Variants in LRRTM4 observed in about 807,000 individuals in gnomAD.
The protein encoded by LRRTM4 is leucine rich repeat transmembrane neuronal 4.
In LRRTM4, 25 loss-of-function variants were observed where a neutral mutation model predicts 47.6. The ratio of observed to expected loss-of-function variants is 0.53; its 90% CI spans 0.38 to 0.73. LRRTM4 has a LOEUF of 0.73. LRRTM4 is among the 30% of genes least tolerant of loss of function. LRRTM4 has a pLI of 0.00. For synonymous variants in LRRTM4, 311 were observed against 269.5 expected (o/e 1.15, Z -1.51); for missense variants, 638 against 713.4 (o/e 0.89, Z 1.20).
intron 3 of LRRTM4, among the ~76,000 whole-genome samples, chr2:76,797,199 T>A (rs2103749084): frequency 6.6e-6 from 1 of 152,120 alleles, no homozygotes; most frequent in East Asian, 1.9e-4. Flanking sequence ...GAAAAAATGT[T>A]AAGGGCAGCC....
At chr2:77,306,458 A>C (rs533778495) in intron 3 of LRRTM4, among the ~76,000 whole-genome samples, 6 of 152,300 alleles carry the variant, frequency 3.9e-5, no homozygotes, top group African/African-American at 1.4e-4. Flanking sequence ...AGTTTCTACT[A>C]AGTCACACCT....
chr2:77,364,964 A>G (rs535770134), intron 3 of LRRTM4, among the ~76,000 whole-genome samples: 2 of 152,132 alleles, frequency 1.3e-5, no homozygotes, highest in Non-Finnish European at 2.9e-5. Flanking sequence ...CATTGATCCT[A>G]CCAGTGAGAA....
intron 3 of LRRTM4, among the ~76,000 whole-genome samples, chr2:76,798,736 C>G (rs1438189753): frequency 6.6e-6 from 1 of 150,882 alleles, no homozygotes; most frequent in Non-Finnish European, 1.5e-5. Context: ...AGAGAAGAAT[C>G]AAATAGATGC....
intron 3 of LRRTM4, among the ~76,000 whole-genome samples, chr2:77,120,974 A>C (rs1236930834): frequency 6.6e-6 from 1 of 151,802 alleles, no homozygotes; most frequent in African/African-American, 2.4e-5. Context: ...GCAAACCTTG[A>C]AAAAAGAAAC....
At chr2:77,404,990 T>C (rs1470012392) in intron 3 of LRRTM4, among the ~76,000 whole-genome samples, 1 of 152,140 alleles carries the variant, frequency 6.6e-6, no homozygotes, top group Non-Finnish European at 1.5e-5. Context: ...TCATTGAACT[T>C]TCACATTATA....
At chr2:76,810,871 A>G (rs1670710736) in intron 3 of LRRTM4, among the ~76,000 whole-genome samples, 1 of 152,188 alleles carries the variant, frequency 6.6e-6, no homozygotes, top group African/African-American at 2.4e-5. Flanking sequence ...TTATTACACA[A>G]CATTACACAC....
At chr2:77,084,396 T>G (rs533734549) in intron 3 of LRRTM4, among the ~76,000 whole-genome samples, 1 of 152,204 alleles carries the variant, frequency 6.6e-6, no homozygotes, top group Non-Finnish European at 1.5e-5. Context: ...AGAGATTTTA[T>G]AGCGGCCTTC....
chr2:77,343,710 T>TG (rs546751103), intron 3 of LRRTM4, among the ~76,000 whole-genome samples: 3 of 152,072 alleles, frequency 2.0e-5, no homozygotes, highest in Admixed American at 2.0e-4. Context: ...CATTTACTGT[T>TG]GTGAAAAGCT....
chr2:77,110,871 G>A (rs1671229781), intron 3 of LRRTM4, among the ~76,000 whole-genome samples: 1 of 152,152 alleles, frequency 6.6e-6, no homozygotes, highest in Non-Finnish European at 1.5e-5. Flanking sequence ...GCAGTGAATT[G>A]TGAATACTTT....
intron 3 of LRRTM4, among the ~76,000 whole-genome samples, chr2:77,373,281 A>G (rs1038385470): frequency 1.3e-5 from 2 of 151,380 alleles, no homozygotes; most frequent in Non-Finnish European, 3.0e-5. Flanking sequence ...AGATTGTGAA[A>G]GAAGTAAATA....
chr2:77,256,692 A>G (rs1675778308), intron 3 of LRRTM4, among the ~76,000 whole-genome samples: 1 of 152,182 alleles, frequency 6.6e-6, no homozygotes, highest in East Asian at 1.9e-4. Flanking sequence ...GTGAGTCAAT[A>G]AAACCTCTTT....
intron 3 of LRRTM4, among the ~76,000 whole-genome samples, chr2:76,788,600 A>G (rs759261642): frequency 6.6e-6 from 1 of 152,220 alleles, no homozygotes; most frequent in Non-Finnish European, 1.5e-5. Flanking sequence ...GAAGTTTATA[A>G]TGCAAGTTTA....
At chr2:77,430,188 C>A (rs779254816) in intron 3 of LRRTM4, among the ~76,000 whole-genome samples, 6 of 152,106 alleles carry the variant, frequency 3.9e-5, no homozygotes, top group African/African-American at 7.2e-5. Flanking sequence ...TGAGGTGATG[C>A]ATATGTTAAT....
At position 77,064,164 on chromosome 2, in the gene LRRTM4, T is replaced by C. The variant is rs369752574; in HGVS notation, c.1552-315248A>G. On this transcript the variant is annotated intron_variant, in intron 3 of 3. Transcript: ENST00000409884. ...GTTAACATTTTAATCTCAAAACTGATTCAGCTTTGGTTTAACAAAAAGGAT... is the reference window on the plus strand; with the variant it reads ...GTTAACATTTTAATCTCAAAACTGACTCAGCTTTGGTTTAACAAAAAGGAT... Among the ~76,000 whole-genome samples the C allele has an allele frequency of 1.1e-4, 17 of 152,136 alleles. 1 individual carries two copies. The highest frequency in any genetic ancestry group is 9.8e-4 in the Admixed American group (15 of 15,274).
chr2:77,076,737 AGTTTTT>A (rs1680349505), intron 3 of LRRTM4, among the ~76,000 whole-genome samples: 1 of 152,176 alleles, frequency 6.6e-6, no homozygotes, highest in Admixed American at 6.5e-5. Context: ...CATATTCTTT[AGTTTTT>A]AAGTTGCGTG....
intron 3 of LRRTM4, among the ~76,000 whole-genome samples, chr2:77,119,405 G>C (rs1158470888): frequency 6.6e-6 from 1 of 151,798 alleles, no homozygotes; most frequent in Non-Finnish European, 1.5e-5. Context: ...TGCAGTTTGG[G>C]AGCAAAAATT....
At chr2:77,006,610 C>T (rs1019558367) in intron 3 of LRRTM4, among the ~76,000 whole-genome samples, 1 of 152,102 alleles carries the variant, frequency 6.6e-6, no homozygotes, top group African/African-American at 2.4e-5. Flanking sequence ...GAGTAGCCCC[C>T]AGAACCTGCA....
chr2:77,420,118 G>A (rs1674816159), intron 3 of LRRTM4, among the ~76,000 whole-genome samples: 1 of 152,178 alleles, frequency 6.6e-6, no homozygotes, highest in Non-Finnish European at 1.5e-5. Flanking sequence ...ATCATTGTTG[G>A]CAGGATTCAG....
At chr2:77,475,030 T>C (rs1345159120) in intron 3 of LRRTM4, among the ~76,000 whole-genome samples, 1 of 152,114 alleles carries the variant, frequency 6.6e-6, no homozygotes, top group Non-Finnish European at 1.5e-5. Context: ...GAAGTGAGTA[T>C]ATTGTAGACA....
Sources: allele counts gnomAD v4.1 joint callset (sites outside exome capture counted in the v4.1 genomes callset), GRCh38; gene constraint gnomAD v4.1.1; transcripts MANE v1.5; gene names NCBI Gene and HGNC (gene_info 2026-07-23, HGNC 2026-07-21).